Variants in GRIP1 observed in about 807,000 individuals in gnomAD.
GRIP1 encodes glutamate receptor-interacting protein 1.
A neutral mutation model predicts 129.9 loss-of-function variants in GRIP1; 45 were observed. The ratio of observed to expected loss-of-function variants is 0.35; its 90% confidence interval spans 0.27 to 0.44. The LOEUF (loss-of-function observed/expected upper bound fraction) is 0.44, where lower values mean the gene tolerates loss of function less well. Among genes scored for constraint, GRIP1 ranks in the 20% least tolerant of loss-of-function variants. The pLI is 1.00. For missense variants in GRIP1, 1,196 were observed against 1,396.8 expected (o/e 0.86, Z 2.29); for synonymous variants, 530 against 520.8 (o/e 1.02, Z -0.24).
At chr12:66,890,408 G>C (rs972000629) in intron 1 of GRIP1, among the ~76,000 whole-genome samples, 1 of 152,050 alleles carries the variant, frequency 6.6e-6, no homozygotes, top group African/African-American at 2.4e-5. Context: ...AAAACTTTTA[G>C]GTAAAACTGA....
At chr12:66,353,024 T>A (rs1037562125) in intron 24 of GRIP1, among the ~76,000 whole-genome samples, 3 of 152,060 alleles carry the variant, frequency 2.0e-5, no homozygotes, top group African/African-American at 7.2e-5. Context: ...AGAGGCCAAA[T>A]CCCTGGGGCC....
intron 1 of GRIP1, among the ~76,000 whole-genome samples, chr12:66,629,383 C>T (rs2030484486): frequency 6.6e-6 from 1 of 152,194 alleles, no homozygotes; most frequent in African/African-American, 2.4e-5. Context: ...ATCAGAGTGG[C>T]ACTGTCATGT....
At chr12:66,835,384 A>G (rs981086388) in intron 1 of GRIP1, among the ~76,000 whole-genome samples, 2 of 152,258 alleles carry the variant, frequency 1.3e-5, no homozygotes, top group East Asian at 3.8e-4. Context: ...ATGGATGTTT[A>G]TATCATTGCC....
Position 66,874,583 on chromosome 12 carries a change from T to TGGA in GRIP1, c.58+194466_58+194467insTCC, listed in dbSNP as rs2040351195. Among the ~76,000 whole-genome samples the TGGA allele has an allele frequency of 1.4e-4, 22 of 152,144 alleles. 1 individual carries two copies. The South Asian group carries it at 4.4e-3, about 30-fold the overall frequency. On this transcript the variant is annotated intron_variant, in intron 1 of 1. Coordinates refer to the GRIP1 transcript ENST00000643019. ...GCTTCTGGGGAGGCCTCAGGAAACTTACAATCATGGAAGAAGGCGAAGGGA... is the reference window on the plus strand; with the variant it reads ...GCTTCTGGGGAGGCCTCAGGAAACTTGGAACAATCATGGAAGAAGGCGAAGGGA...
intron 1 of GRIP1, among the ~76,000 whole-genome samples, chr12:66,874,425 T>C (rs1221856985): frequency 9.2e-5 from 14 of 152,106 alleles, no homozygotes; most frequent in Non-Finnish European, 1.6e-4. Context: ...TGAAGACTTA[T>C]GTTTCATGAT....
intron 1 of GRIP1, among the ~76,000 whole-genome samples, chr12:66,712,526 C>A (rs188772762): frequency 3.3e-5 from 5 of 152,088 alleles, no homozygotes; most frequent in Admixed American, 3.3e-4. Context: ...ATCTCACACA[C>A]ACACACATCT....
chr12:66,436,932 C>T (rs1381336031), intron 13 of GRIP1, among the ~76,000 whole-genome samples: 1 of 144,504 alleles, frequency 6.9e-6, no homozygotes, highest in Non-Finnish European at 1.5e-5. Context: ...GTTGATAGCA[C>T]CACTGCACTC....
chr12:66,571,192 T>C (rs1033172550), intron 2 of GRIP1: 6 of 152,200 alleles, frequency 3.9e-5, no homozygotes, highest in African/African-American at 7.2e-5. Flanking sequence ...GTAAAACCAA[T>C]TGTAGCTCAA....
At chr12:66,709,129 G>A (rs1044796090) in intron 1 of GRIP1, among the ~76,000 whole-genome samples, 1 of 151,896 alleles carries the variant, frequency 6.6e-6, no homozygotes, top group Admixed American at 6.6e-5. Context: ...AAGGCATTTT[G>A]AAACAAATTT....
intron 16 of GRIP1, among the ~76,000 whole-genome samples, chr12:66,396,953 A>C (rs573313780): frequency 6.6e-6 from 1 of 151,768 alleles, no homozygotes; most frequent in Non-Finnish European, 1.5e-5. Flanking sequence ...TTAACTAAAA[A>C]TACAAAAATT....
chr12:66,717,609 G>T (rs1362513188), intron 1 of GRIP1, among the ~76,000 whole-genome samples: 1 of 152,080 alleles, frequency 6.6e-6, no homozygotes, highest in Non-Finnish European at 1.5e-5. Context: ...TATTAGTGCC[G>T]TTGAAAAGAG....
chr12:66,780,779 G>GC (rs2038133030), intron 1 of GRIP1, among the ~76,000 whole-genome samples: 1 of 152,126 alleles, frequency 6.6e-6, no homozygotes, highest in East Asian at 1.9e-4. Context: ...GCCATGCACT[G>GC]CCGCTTTGCC....
chr12:66,375,019 C>T (rs1436438947), intron 22 of GRIP1, among the ~76,000 whole-genome samples: 1 of 152,130 alleles, frequency 6.6e-6, no homozygotes, highest in Non-Finnish European at 1.5e-5. Context: ...ATTCCTAAGG[C>T]AGCCTAGAGT....
chr12:66,379,839 C>T (rs2056018410), intron 19 of GRIP1, among the ~76,000 whole-genome samples: 1 of 152,118 alleles, frequency 6.6e-6, no homozygotes, highest in Non-Finnish European at 1.5e-5. Context: ...TTAGTGCTCC[C>T]TTCTCATTTC....
intron 1 of GRIP1, among the ~76,000 whole-genome samples, chr12:66,734,803 A>ATTCATTCT (rs1425586266): frequency 1.3e-5 from 2 of 152,206 alleles, no homozygotes; most frequent in Non-Finnish European, 1.5e-5. Context: ...GCATTAGGAA[A>ATTCATTCT]TTCATTCTTA....
chr12:66,660,900 TATGTATAC>T (rs1366051353), intron 1 of GRIP1, among the ~76,000 whole-genome samples: 1 of 152,108 alleles, frequency 6.6e-6, no homozygotes, highest in Non-Finnish European at 1.5e-5. Context: ...TGTATATATT[TATGTATAC>T]ATGTATACAT....
At chr12:67,019,238 A>G (rs1322297939) in intron 1 of GRIP1, among the ~76,000 whole-genome samples, 1 of 152,172 alleles carries the variant, frequency 6.6e-6, no homozygotes, top group Admixed American at 6.6e-5. Flanking sequence ...CGTCTACAGG[A>G]GAAACAGGCA....
intron 16 of GRIP1, among the ~76,000 whole-genome samples, chr12:66,401,810 C>G (rs1433533560): frequency 1.3e-5 from 2 of 151,858 alleles, no homozygotes; most frequent in Non-Finnish European, 2.9e-5. Flanking sequence ...GTCTTTCATT[C>G]TACTGTTTCC....
intron 7 of GRIP1, among the ~76,000 whole-genome samples, chr12:66,506,584 T>C (rs750184139): frequency 1.9e-4 from 29 of 152,322 alleles, no homozygotes; most frequent in Admixed American, 4.6e-4. Context: ...TTATGTTTCA[T>C]TTCTTGACCT....
Sources: gnomAD v4.1 joint callset for allele counts (sites outside exome capture counted in the v4.1 genomes callset) on GRCh38, gnomAD v4.1.1 for gene constraint, MANE v1.5 for transcripts, NCBI Gene and HGNC (gene_info 2026-07-23, HGNC 2026-07-21) for gene names.